ADAM2: variants seen among roughly 807,000 people sequenced by gnomAD.
ADAM2 encodes ADAM metallopeptidase domain 2.
A neutral mutation model predicts 99.3 loss-of-function variants in ADAM2; 101 were observed. That is an observed-to-expected ratio of 1.02 (90% CI 0.87 to 1.20). ADAM2 has a LOEUF of 1.20. Ranked by LOEUF, ADAM2 falls within the 50% of genes most tolerant of loss-of-function variation. The pLI is 0.00. For missense variants in ADAM2, 948 were observed against 878.7 expected, an observed-to-expected ratio of 1.08 and a Z score of -1.00; for synonymous variants, 323 against 287.6, an observed-to-expected ratio of 1.12 and a Z score of -1.25.
At chr8:39,749,544 C>G (rs1234242182) in intron 17 of ADAM2, 94 bp from the exon 18 acceptor site, 3 of 1,464,772 alleles carry the variant, frequency 2.0e-6, no homozygotes, top group Non-Finnish European at 2.8e-6. Context: ...TCAGCTAAGG[C>G]CAATTTTCCT....
chr8:39,767,190 G>A lies in ADAM2; in HGVS notation c.1274C>T (p.Ser425Leu), dbSNP rs1357834401. The change falls in exon 13 of 21, where the codon TCA (serine) becomes TTA (leucine). Residue 425 changes from serine to leucine, a missense_variant. By Grantham distance (145) the Ser-to-Leu change is moderately radical (BLOSUM62 -2). Coordinates refer to ENST00000265708, the MANE Select transcript of ADAM2 (RefSeq NM_001464.5). Reference protein sequence around the residue: ...DIATCRFKAGSNCAEGPCCEN... With the variant: ...DIATCRFKAGLNCAEGPCCEN... ...GCAGCATGGTCCTTCAGCACAGTTT[G>A]AACCGGCTTTAAATCTACATGTGGC... is the stretch of plus-strand genomic sequence containing the variant. 1 of 1,608,476 alleles carries A rather than the reference G, an allele frequency of 6.2e-7. No individual in the cohort carries two copies. The highest frequency in any genetic ancestry group is 2.2e-5 in the East Asian group (1 of 44,872).
In ADAM2 at chr8:39,755,872, A is replaced by T. The variant is rs1417183684; in HGVS notation, c.1653T>A (p.Gly551=). Residue 551 remains glycine (G), a synonymous_variant, in exon 16 of 21, where the codon GGT becomes GGA. Transcript: ENST00000265708. The part of the protein sequence containing the change: ...QCGKLICKYV[G]KFLLQIPRAT... The stretch of plus-strand genomic sequence containing the variant: ...CTCTTGGAATTTGTAATAAAAATTT[A>T]CCTACATATTTACATATTAATTTTC... The T allele has an allele frequency of 5.1e-6, 8 of 1,582,054 alleles. No homozygotes were observed. Among genetic ancestry groups the T allele is most frequent in the Non-Finnish European group, 3.5e-6 (4 of 1,152,722 alleles).
intron 16 of ADAM2, among the ~76,000 whole-genome samples, chr8:39,755,274 T>A (rs1586050513): frequency 6.6e-6 from 1 of 152,258 alleles, no homozygotes; most frequent in East Asian, 1.9e-4. Context: ...ATGTCATATA[T>A]GCATGATTGC....
chr8:39,787,850 C>A (rs573906991), intron 9 of ADAM2, among the ~76,000 whole-genome samples: 10 of 150,852 alleles, frequency 6.6e-5, no homozygotes, highest in Middle Eastern at 3.5e-3. Context: ...TGGTATATAC[C>A]CTAGGGAAAG....
At position 39,776,511 on chromosome 8, in the gene ADAM2, T is replaced by G. The variant is rs180810129; in HGVS notation, c.1028+514A>C. Among the ~76,000 whole-genome samples, 4 of 152,230 alleles carry G rather than the reference T, an allele frequency of 2.6e-5. No individual in the cohort carries two copies. The East Asian group carries it at 7.7e-4, about 29-fold the overall frequency. On this transcript the variant is annotated intron_variant, in intron 11 of 20. Coordinates refer to ENST00000265708, the MANE Select transcript of ADAM2 (RefSeq NM_001464.5). ...TATTTGATCGTATTTCTACAAACAT[T>G]CATAATGTACTATAAGAATAATGTT...
intron 6 of ADAM2, among the ~76,000 whole-genome samples, chr8:39,811,920 C>A (rs146709427): frequency 8.5e-5 from 13 of 152,182 alleles, no homozygotes; most frequent in African/African-American, 2.9e-4. Flanking sequence ...GTTGGAAGTT[C>A]TGGCCAGGGC....
chr8:39,770,010 G>A (rs1802718694), intron 11 of ADAM2, among the ~76,000 whole-genome samples: 1 of 139,106 alleles, frequency 7.2e-6, no homozygotes, highest in African/African-American at 2.7e-5. Flanking sequence ...GCAATGGCAT[G>A]ATCTCTGCTC....
intron 16 of ADAM2, 92 bp downstream of exon 16, chr8:39,755,636 T>C (rs1024262967): frequency 2.3e-5 from 21 of 926,872 alleles, no homozygotes; most frequent in East Asian, 1.6e-4. Context: ...ATCACACCAC[T>C]GCACTCTAGC....
chr8:39,763,979 T>G (rs894944721), intron 14 of ADAM2, among the ~76,000 whole-genome samples: 1 of 152,208 alleles, frequency 6.6e-6, no homozygotes, highest in African/African-American at 2.4e-5. Context: ...GTCAGATTTA[T>G]CAGTCACAAA....
chr8:39,779,280 G>A lies in ADAM2; in HGVS notation c.892-2119C>T, dbSNP rs180899695. Among the ~76,000 whole-genome samples, 9 of 152,208 alleles carry A rather than the reference G, an allele frequency of 5.9e-5. No individual in the cohort carries two copies. The East Asian group carries it at 7.7e-4, about 13-fold the overall frequency. Reference sequence around the variant, plus strand: ...GCTGAGACCTTTTTGGCTTGTGATAGGTTGCCTTCTTGCTGGCCTTTCCTC... The same window carrying A: ...GCTGAGACCTTTTTGGCTTGTGATAAGTTGCCTTCTTGCTGGCCTTTCCTC... On this transcript the variant is annotated intron_variant, in intron 10 of 20. Coordinates refer to ENST00000265708, the MANE Select transcript of ADAM2 (RefSeq NM_001464.5).
intron 14 of ADAM2, among the ~76,000 whole-genome samples, chr8:39,761,784 A>G (rs1432163212): frequency 2.0e-5 from 3 of 152,136 alleles, no homozygotes; most frequent in Non-Finnish European, 4.4e-5. Context: ...TAATTCTCAT[A>G]AGATCCAACC....
chr8:39,748,239 AG>A, intron 18 of ADAM2, among the ~76,000 whole-genome samples: 1 of 152,326 alleles, frequency 6.6e-6, no homozygotes, highest in East Asian at 1.9e-4. Flanking sequence ...AGACCACGAG[AG>A]TCCTAGAATG....
At chr8:39,834,975 C>A (rs1586171879) in intron 2 of ADAM2, among the ~76,000 whole-genome samples, 2 of 152,028 alleles carry the variant, frequency 1.3e-5, no homozygotes, top group Non-Finnish European at 2.9e-5. Context: ...GGACACCAGT[C>A]ATATGGTATT....
rs760884075 is a variant in ADAM2 at position 39,821,671 on chromosome 8, T to A, written c.268-9A>T. The A allele has an allele frequency of 5.8e-6, 9 of 1,551,986 alleles. No individual in the cohort carries two copies. The highest frequency in any genetic ancestry group is 8.0e-6 in the Non-Finnish European group (9 of 1,124,768). On this transcript the variant is annotated splice_polypyrimidine_tract_variant and intron_variant, in intron 4 of 20. Transcript: ENST00000265708. Reference sequence around the variant, plus strand: ...TGGTAGTGGCAGAAATTCTGAAAGATAAAATACACATATCTCCATTAGAAT... The same window carrying A: ...TGGTAGTGGCAGAAATTCTGAAAGAAAAAATACACATATCTCCATTAGAAT...
chr8:39,769,703 A>C (rs910474603), intron 11 of ADAM2, 128 bp from the exon 12 acceptor site: 2 of 610,578 alleles, frequency 3.3e-6, no homozygotes, highest in Non-Finnish European at 5.8e-6. Context: ...CAATGCTTTC[A>C]ATCTCTGTGC....
At chr8:39,818,443 G>C (rs979205991) in intron 6 of ADAM2, among the ~76,000 whole-genome samples, 8 of 151,806 alleles carry the variant, frequency 5.3e-5, no homozygotes, top group Admixed American at 2.0e-4. Context: ...CCTGATAAAG[G>C]GCACCTGTGA....
chr8:39,779,295 G>C (rs1279968334), intron 10 of ADAM2, among the ~76,000 whole-genome samples: 1 of 152,036 alleles, frequency 6.6e-6, no homozygotes, highest in Non-Finnish European at 1.5e-5. Flanking sequence ...CCTTCTTGCT[G>C]GCCTTTCCTC....
chr8:39,781,368 G>A (rs771931900), intron 10 of ADAM2, among the ~76,000 whole-genome samples: 10 of 152,080 alleles, frequency 6.6e-5, no homozygotes, highest in Non-Finnish European at 1.5e-4. Flanking sequence ...CACTCAGGAA[G>A]TTCTTTTCAG....
In ADAM2 at chr8:39,835,765, T is replaced by C. The variant is rs149093699; in HGVS notation, c.132+1371A>G. On this transcript the variant is annotated intron_variant, in intron 2 of 20. Transcript: ENST00000265708. ...ATTAACTGTAATAATTCAAAATATATAGTTTCATATTATGTTTATAGTATT... is the reference window on the plus strand; with the variant it reads ...ATTAACTGTAATAATTCAAAATATACAGTTTCATATTATGTTTATAGTATT... Among the ~76,000 whole-genome samples the C allele has an allele frequency of 3.8e-3, 583 of 152,116 alleles. 4 individuals are homozygous for C. The highest frequency in any genetic ancestry group is 0.037 in the Middle Eastern group (11 of 294).
Sources: gnomAD v4.1 joint callset for allele counts (sites outside exome capture counted in the v4.1 genomes callset) on GRCh38, gnomAD v4.1.1 for gene constraint, MANE v1.5 for transcripts, NCBI Gene and HGNC (gene_info 2026-07-23, HGNC 2026-07-21) for gene names.